PADI3: variants seen among roughly 807,000 people sequenced by gnomAD.
The protein encoded by PADI3 is peptidyl arginine deiminase 3, also known as protein-arginine deiminase type-3.
Under a neutral mutation model 71.5 loss-of-function variants are expected in PADI3, and 53 were observed. The observed-to-expected ratio is 0.74, with a 90% CI of 0.59 to 0.93. PADI3 has a LOEUF of 0.93. Among genes scored for constraint, PADI3 ranks in the 40% least tolerant of loss-of-function variants. The pLI is 0.00. For synonymous variants in PADI3, 361 were observed against 347.5 expected (o/e 1.04, Z -0.43); for missense variants, 821 against 868.0 (o/e 0.95, Z 0.68).
chr1:17,271,549 T>C (rs2073251455), intron 9 of PADI3, among the ~76,000 whole-genome samples: 1 of 151,980 alleles, frequency 6.6e-6, no homozygotes, highest in Non-Finnish European at 1.5e-5. Flanking sequence ...GCCCCCACAA[T>C]AACATATCAT....
chr1:17,265,792 T>A, intron 4 of PADI3, 72 bp downstream of exon 4: 1 of 1,370,994 alleles, frequency 7.3e-7, no homozygotes, highest in Non-Finnish European at 1.0e-6. Flanking sequence ...TTAAGAAGGA[T>A]GAGGCCATTA....
In PADI3 at chr1:17,280,428, A is replaced by AGGT. The variant is rs763087985; in HGVS notation, c.1635_1635+2dup. ...CTCATCAACTACAATAAGTTTGTGC[A>AGGT]GGTACAAGGGCTGTGGTGTACCTGT... On this transcript the variant is annotated inframe_insertion and splice_region_variant, in exon 14 of 16. Transcript: ENST00000375460. 3.1e-6 allele frequency: 5 copies of AGGT among 1,612,734 alleles called. No individual in the cohort carries two copies. In the East Asian group the frequency reaches 8.9e-5, roughly 29 times the overall value.
chr1:17,268,113 G>A (rs2073196374), intron 6 of PADI3, 151 bp downstream of exon 6: 1 of 839,766 alleles, frequency 1.2e-6, no homozygotes, highest in Non-Finnish European at 1.9e-6. Context: ...AGAACAGTCA[G>A]AAGTGGGGGC....
rs1221559173 is a variant in PADI3, at chr1:17,249,201, G to T, written c.64G>T (p.Gly22Cys). Reference protein sequence around the residue: ...EHPTSAVCVAGVETLVDIYGS... With the variant: ...EHPTSAVCVACVETLVDIYGS... ...TCCCACCAGCGCGGTGTGTGTGGCT[G>T]GCGTGGAGACCCTCGTGGACATTTA... Residue 22 changes from glycine to cysteine, a missense_variant, in exon 1 of 16, where the codon GGC becomes TGC. Transcript: ENST00000375460. The T allele has an allele frequency of 5.6e-6, 9 of 1,614,008 alleles. No individual in the cohort carries two copies. The highest frequency in any genetic ancestry group is 7.6e-6 in the Non-Finnish European group (9 of 1,179,988).
At chr1:17,278,983 T>G (rs2100602792) in intron 13 of PADI3, among the ~76,000 whole-genome samples, 1 of 152,350 alleles carries the variant, frequency 6.6e-6, no homozygotes, top group East Asian at 1.9e-4. Context: ...GCACCCTAAC[T>G]AGACTCCGGT....
In PADI3 at chr1:17,276,666, A is replaced by C. The variant is rs747027168; in HGVS notation, c.1452+3A>C. On this transcript the variant is annotated splice_donor_region_variant and intron_variant, in intron 12 of 15. Transcript: ENST00000375460. The stretch of plus-strand genomic sequence containing the variant: ...TTGTCCCTGCCCCCGATGGGAAGGT[A>C]AGAACTTCGTGCATGACGTGTCTTT... 6.2e-7 allele frequency: 1 copy of C among 1,613,928 alleles called. No homozygotes were observed. The highest frequency in any genetic ancestry group is 8.5e-7 in the Non-Finnish European group (1 of 1,179,996).
At chr1:17,269,544 G>A (rs568583198) in intron 6 of PADI3, among the ~76,000 whole-genome samples, 39 of 152,250 alleles carry the variant, frequency 2.6e-4, no homozygotes, top group East Asian at 3.9e-4. Flanking sequence ...AATGAATATC[G>A]AGCACTCTTG....
At chr1:17,265,616 C>T (rs1487269029) in intron 3 of PADI3, 43 bp from the exon 4 acceptor site, 1 of 1,586,764 alleles carries the variant, frequency 6.3e-7, no homozygotes, top group Non-Finnish European at 8.7e-7. Flanking sequence ...GCCCTGGGCT[C>T]CTGGGAACCT....
chr1:17,272,907 T>C (rs1410192827), intron 9 of PADI3, among the ~76,000 whole-genome samples: 4 of 152,310 alleles, frequency 2.6e-5, no homozygotes, highest in East Asian at 1.9e-4. Context: ...TTAATGTTTA[T>C]AAAGAGTTTA....
intron 13 of PADI3, among the ~76,000 whole-genome samples, chr1:17,279,235 TAGACACAGAGGCC>T (rs999545679): frequency 7.2e-5 from 11 of 152,108 alleles, no homozygotes; most frequent in Admixed American, 6.5e-5. Flanking sequence ...ATTAATTACA[TAGACACAGAGGCC>T]AGACACAGAG....
At chr1:17,282,797 G>A in intron 15 of PADI3, 49 bp from the exon 16 acceptor site, 2 of 1,395,630 alleles carry the variant, frequency 1.4e-6, no homozygotes, top group South Asian at 1.3e-5. Context: ...GAGTAGAGGT[G>A]TGGGGTGGGA....
intron 10 of PADI3, 115 bp downstream of exon 10, chr1:17,273,562 G>A: frequency 1.7e-6 from 1 of 579,838 alleles, no homozygotes; most frequent in Non-Finnish European, 3.0e-6. Flanking sequence ...TTAGGGATGA[G>A]GGTAGGGTTG....
At chr1:17,254,717 AT>A (rs1247695105) in intron 1 of PADI3, among the ~76,000 whole-genome samples, 8,119 of 128,306 alleles carry the variant, frequency 0.063, 213 homozygotes, top group African/African-American at 0.081. Context: ...AGGCTCCAGC[AT>A]TTTTTTTTTT....
intron 1 of PADI3, among the ~76,000 whole-genome samples, chr1:17,254,002 G>C (rs555669612): frequency 3.3e-5 from 5 of 152,164 alleles, no homozygotes; most frequent in Admixed American, 2.6e-4. Context: ...TGTTTGATGC[G>C]AGAGCTCTGA....
Position 17,273,371 on chromosome 1 carries a change from C to T in PADI3, c.1079C>T (p.Pro360Leu), listed in dbSNP as rs765936058. 1.6e-5 allele frequency: 26 copies of T among 1,613,592 alleles called. No homozygotes were observed. The highest frequency in any genetic ancestry group is 1.7e-4 in the Middle Eastern group (1 of 6,050). The change falls in exon 10 of 16, where the codon CCG (proline) becomes CTG (leucine). Residue 360 changes from proline to leucine, a missense_variant. By Grantham distance (98) the Pro-to-Leu change is moderately conservative. Transcript: ENST00000375460. ...ATGGAGCTGGGCTACGTTCAGGCGCCGCACAAGACCCTCCCGGTGGTCTTT... is the reference window on the plus strand; with the variant it reads ...ATGGAGCTGGGCTACGTTCAGGCGCTGCACAAGACCCTCCCGGTGGTCTTT... ...DEMELGYVQA[P>L]HKTLPVVFDS... is the part of the protein sequence containing the mutation.
chr1:17,252,207 G>A (rs1375116607), intron 1 of PADI3, among the ~76,000 whole-genome samples: 1 of 152,092 alleles, frequency 6.6e-6, no homozygotes, highest in Non-Finnish European at 1.5e-5. Context: ...TGCAACTGGA[G>A]GCAGGCTCAG....
intron 2 of PADI3, among the ~76,000 whole-genome samples, chr1:17,260,517 G>A (rs2073090183): frequency 6.6e-6 from 1 of 152,146 alleles, no homozygotes; most frequent in African/African-American, 2.4e-5. Flanking sequence ...CAGCAGCCCA[G>A]AGAGGTGGGG....
chr1:17,271,298 C>A, intron 9 of PADI3, 120 bp downstream of exon 9: 1 of 800,814 alleles, frequency 1.2e-6, no homozygotes. Context: ...AACTTGCTGC[C>A]GTTTCTAATG....
chr1:17,273,480 A>C (rs1210256216), intron 10 of PADI3, 33 bp downstream of exon 10: 1 of 1,462,486 alleles, frequency 6.8e-7, no homozygotes, highest in African/African-American at 1.4e-5. Flanking sequence ...CACCCCTGAG[A>C]GCTGAGAGGC....
Sources: gnomAD v4.1 joint callset for allele counts (sites outside exome capture counted in the v4.1 genomes callset) on GRCh38, gnomAD v4.1.1 for gene constraint, MANE v1.5 for transcripts, NCBI Gene and HGNC (gene_info 2026-07-23, HGNC 2026-07-21) for gene names.